The following SH3RF3 variants were observed in gnomAD, a reference collection of about 807,000 sequenced individuals.
SH3RF3 encodes SH3 domain containing ring finger 3, also known as E3 ubiquitin-protein ligase SH3RF3.
A neutral mutation model predicts 66.3 loss-of-function variants in SH3RF3; 29 were observed. The observed-to-expected ratio is 0.44, with a 90% confidence interval of 0.33 to 0.60. The LOEUF (loss-of-function observed/expected upper bound fraction) is 0.60. Among genes scored for constraint, SH3RF3 ranks in the 20% least tolerant of loss-of-function variants. The pLI, the probability that SH3RF3 is intolerant of heterozygous loss-of-function variation, is 0.04. For synonymous variants in SH3RF3, 583 were observed against 532.0 expected (o/e 1.10, Z -1.32); for missense variants, 1,194 against 1,190.9 (o/e 1.00, Z -0.04).
chr2:109,265,741 A>G (rs1382496579), intron 1 of SH3RF3, among the ~76,000 whole-genome samples: 2 of 152,234 alleles, frequency 1.3e-5, no homozygotes, highest in South Asian at 4.1e-4. Flanking sequence ...GGTTTTTATC[A>G]ATAAAAAATG....
chr2:109,199,223 G>A (rs1312186750), intron 1 of SH3RF3, among the ~76,000 whole-genome samples: 32 of 148,512 alleles, frequency 2.2e-4, no homozygotes, highest in Non-Finnish European at 6.0e-5. Flanking sequence ...GCCAGGCGTG[G>A]TGGCGGGTGC....
chr2:109,158,997 A>G (rs1483826357), intron 1 of SH3RF3, among the ~76,000 whole-genome samples: 11 of 152,214 alleles, frequency 7.2e-5, no homozygotes, highest in African/African-American at 2.4e-5. Flanking sequence ...CACGCCTGTA[A>G]TCCCAGCTAC....
chr2:109,345,961 G>A (rs1294101238), intron 1 of SH3RF3, among the ~76,000 whole-genome samples: 1 of 152,166 alleles, frequency 6.6e-6, no homozygotes, highest in Non-Finnish European at 1.5e-5. Context: ...AGACCAAATT[G>A]TCCCAAATTA....
chr2:109,195,843 G>A (rs772860088), intron 1 of SH3RF3, among the ~76,000 whole-genome samples: 2 of 152,074 alleles, frequency 1.3e-5, no homozygotes, highest in Non-Finnish European at 2.9e-5. Flanking sequence ...GCCTGATCCC[G>A]GCATGGAGTC....
At chr2:109,294,200 C>T (rs1006990978) in intron 1 of SH3RF3, among the ~76,000 whole-genome samples, 12 of 152,158 alleles carry the variant, frequency 7.9e-5, no homozygotes, top group African/African-American at 2.9e-4. Context: ...ATGTCACATA[C>T]AGCTCCTTGG....
At chr2:109,316,557 T>C (rs1025608072) in intron 1 of SH3RF3, among the ~76,000 whole-genome samples, 1 of 152,200 alleles carries the variant, frequency 6.6e-6, no homozygotes, top group Non-Finnish European at 1.5e-5. Flanking sequence ...ACTTTCTGTT[T>C]TAGAGCAGTT....
chr2:109,467,647 C>T (rs1381768070), intron 8 of SH3RF3, among the ~76,000 whole-genome samples: 1 of 152,180 alleles, frequency 6.6e-6, no homozygotes, highest in Non-Finnish European at 1.5e-5. Context: ...AAAAGAACAT[C>T]ATGTATTTTT....
At chr2:109,454,723 G>A (rs545586616) in intron 8 of SH3RF3, among the ~76,000 whole-genome samples, 2 of 152,298 alleles carry the variant, frequency 1.3e-5, no homozygotes, top group Non-Finnish European at 2.9e-5. Context: ...ATACAGTAGG[G>A]ACGGTACACT....
chr2:109,353,875 C>G (rs576251758), intron 2 of SH3RF3, among the ~76,000 whole-genome samples: 1 of 152,244 alleles, frequency 6.6e-6, no homozygotes, highest in South Asian at 2.1e-4. Flanking sequence ...GCAGGTTCCC[C>G]TCAGCCCTCA....
At chr2:109,165,888 C>T (rs949614627) in intron 1 of SH3RF3, among the ~76,000 whole-genome samples, 1 of 152,234 alleles carries the variant, frequency 6.6e-6, no homozygotes, top group African/African-American at 2.4e-5. Flanking sequence ...GATGCCTGTG[C>T]AAGAAGACCA....
chr2:109,309,362 G>A (rs1681673954), intron 1 of SH3RF3, among the ~76,000 whole-genome samples: 1 of 149,824 alleles, frequency 6.7e-6, no homozygotes, highest in Admixed American at 6.7e-5. Flanking sequence ...CGCTAAACAT[G>A]GAAAGGAACA....
rs1676779219 is a variant in SH3RF3 at position 109,134,729 on chromosome 2, A to G, written c.573+4616A>G. Among the ~76,000 whole-genome samples, 3 of 152,194 alleles carry G rather than the reference A, an allele frequency of 2.0e-5. No individual in the cohort carries two copies. In the South Asian group the frequency reaches 6.2e-4, roughly 32 times the overall value. On this transcript the variant is annotated intron_variant, in intron 1 of 9. Coordinates refer to ENST00000309415, the MANE Select transcript of SH3RF3 (RefSeq NM_001099289.3). Reference sequence around the variant, plus strand: ...TAGAAGAGTCCTCTTACTCTACCACAGGCTCAGCTCGTTGGTAGCACGATT... The same window carrying G: ...TAGAAGAGTCCTCTTACTCTACCACGGGCTCAGCTCGTTGGTAGCACGATT...
At position 109,365,442 on chromosome 2, in the gene SH3RF3, G is replaced by A. The variant is rs71425245; in HGVS notation, c.850-6144G>A. Among the ~76,000 whole-genome samples the A allele has an allele frequency of 8.3e-3, 1,268 of 152,290 alleles. 13 individuals are homozygous for A. Among genetic ancestry groups the A allele is most frequent in the Non-Finnish European group, 0.013 (865 of 68,026 alleles). ...CCTATTGATCTCTTCAATTTGGGGG[G>A]CAGCAGTTTGCCCTGTGACCTCAGT... On this transcript the variant is annotated intron_variant, in intron 2 of 9. Transcript: ENST00000309415.
At chr2:109,291,248 G>A (rs1437237565) in intron 1 of SH3RF3, among the ~76,000 whole-genome samples, 1 of 151,890 alleles carries the variant, frequency 6.6e-6, no homozygotes, top group African/African-American at 2.4e-5. Flanking sequence ...AACAACAGAA[G>A]GCTGTTGGGA....
At chr2:109,302,705 G>A (rs974070169) in intron 1 of SH3RF3, among the ~76,000 whole-genome samples, 12 of 152,116 alleles carry the variant, frequency 7.9e-5, no homozygotes, top group African/African-American at 2.9e-4. Flanking sequence ...AAGTGATCCC[G>A]GGAGACAAGG....
intron 3 of SH3RF3, among the ~76,000 whole-genome samples, chr2:109,391,440 G>T (rs1049614253): frequency 1.3e-5 from 2 of 152,158 alleles, no homozygotes; most frequent in African/African-American, 4.8e-5. Flanking sequence ...CCATGGGCTC[G>T]GGCCTTCACT....
chr2:109,242,109 TCGC>T (rs144774400), intron 1 of SH3RF3, among the ~76,000 whole-genome samples: 9,332 of 151,972 alleles, frequency 0.061, 441 homozygotes, highest in East Asian at 0.2. Flanking sequence ...GCTCCTCTGT[TCGC>T]CTCCTGTTTT....
chr2:109,259,185 TC>T (rs1164384725), intron 1 of SH3RF3, among the ~76,000 whole-genome samples: 2 of 152,218 alleles, frequency 1.3e-5, no homozygotes, highest in African/African-American at 4.8e-5. Context: ...GGTTGAGGAA[TC>T]CATAAAGTGT....
At chr2:109,260,061 T>A (rs548596357) in intron 1 of SH3RF3, among the ~76,000 whole-genome samples, 1 of 152,316 alleles carries the variant, frequency 6.6e-6, no homozygotes, top group East Asian at 1.9e-4. Flanking sequence ...TTTGTGATGT[T>A]TATCTCAACC....
Sources: allele counts gnomAD v4.1 joint callset (sites outside exome capture counted in the v4.1 genomes callset), GRCh38; gene constraint gnomAD v4.1.1; transcripts MANE v1.5; gene names NCBI Gene and HGNC (gene_info 2026-07-23, HGNC 2026-07-21).